STRIP1: variants seen among roughly 807,000 people sequenced by gnomAD.
STRIP1 encodes striatin-interacting protein 1.
Under a neutral mutation model 106.2 loss-of-function variants are expected in STRIP1, and 63 were observed. The observed-to-expected ratio is 0.59, with a 90% CI of 0.48 to 0.73. The LOEUF (loss-of-function observed/expected upper bound fraction) is 0.73. Ranked by LOEUF, STRIP1 falls within the 30% of genes least tolerant of loss-of-function variation. STRIP1 has a pLI of 0.00. For missense variants in STRIP1, 857 were observed against 1,074.8 expected (o/e 0.80, Z 2.83); for synonymous variants, 390 against 413.0 (o/e 0.94, Z 0.67).
intron 1 of STRIP1, among the ~76,000 whole-genome samples, chr1:110,037,041 G>A (rs1043288223): frequency 2.6e-5 from 4 of 151,980 alleles, no homozygotes; most frequent in Admixed American, 2.6e-4. Flanking sequence ...TACCATGTTG[G>A]CCAGGCTGGT....
In STRIP1 at chr1:110,037,957, T is replaced by C. The variant is rs370979346; in HGVS notation, c.247T>C (p.Ser83Pro). Residue 83 changes from serine to proline, a missense_variant, in exon 2 of 21, where the codon TCG becomes CCG. Coordinates refer to ENST00000369795, the MANE Select transcript of STRIP1 (RefSeq NM_033088.4). Reference protein sequence around the residue: ...ADTDKWAAELSELYSYTEGPE... With the variant: ...ADTDKWAAELPELYSYTEGPE... Reference sequence around the variant, plus strand: ...CACAGACAAGTGGGCTGCAGAGCTCTCGGGTAACGCACAGACCTTTGTGTT... The same window carrying C: ...CACAGACAAGTGGGCTGCAGAGCTCCCGGGTAACGCACAGACCTTTGTGTT... 6.2e-7 allele frequency: 1 copy of C among 1,610,136 alleles called. No homozygotes were observed.
chr1:110,039,435 C>T lies in STRIP1; in HGVS notation c.501C>T (p.Ser167=), dbSNP rs149174018. 3.1e-6 allele frequency: 5 copies of T among 1,613,758 alleles called. No individual in the cohort carries two copies. The highest frequency in any genetic ancestry group is 3.4e-6 in the Non-Finnish European group (4 of 1,179,930). The change falls in exon 5 of 21, where the codon TCC becomes TCT. Residue 167 remains serine, a synonymous_variant. Coordinates refer to ENST00000369795, the MANE Select transcript of STRIP1 (RefSeq NM_033088.4). ...GECSSEAEVQ[S]WMRYNIFLLL... is the part of the protein sequence containing the mutation. ...GCAGCTCGGAGGCAGAGGTGCAGTCCTGGATGCGCTACAACATCTTTCTCC... is the reference window on the plus strand; with the variant it reads ...GCAGCTCGGAGGCAGAGGTGCAGTCTTGGATGCGCTACAACATCTTTCTCC...
At chr1:110,051,984 TG>T in intron 20 of STRIP1, 97 bp downstream of exon 20, 1 of 1,305,502 alleles carries the variant, frequency 7.7e-7, no homozygotes, top group Non-Finnish European at 1.1e-6. Flanking sequence ...TTCTCTGCCC[TG>T]AGCTTCCCCC....
At chr1:110,050,016 T>C in intron 17 of STRIP1, 3 of 386,834 alleles carry the variant, frequency 7.8e-6, no homozygotes, top group Non-Finnish European at 1.4e-5. Flanking sequence ...AGACCCTGTC[T>C]CCAGAAAGGT....
chr1:110,042,969 C>A, intron 8 of STRIP1, 119 bp from the exon 9 acceptor site: 1 of 978,198 alleles, frequency 1.0e-6, no homozygotes, highest in Non-Finnish European at 1.5e-6. Flanking sequence ...CAGGAGTTGC[C>A]TGGGTCTCTA....
intron 8 of STRIP1, 44 bp from the exon 9 acceptor site, chr1:110,043,044 G>A (rs1652839955): frequency 6.4e-7 from 1 of 1,562,706 alleles, no homozygotes; most frequent in Non-Finnish European, 8.7e-7. Context: ...GGGCCAGCCT[G>A]TGGACACATT....
rs1372323464 is a variant in STRIP1, at chr1:110,034,795, G to T, written c.158G>T (p.Arg53Leu). 7.0e-7 allele frequency: 1 copy of T among 1,419,514 alleles called. No individual in the cohort carries two copies. The highest frequency in any genetic ancestry group is 3.5e-5 in the Admixed American group (1 of 28,270). 87.9% of individuals were successfully genotyped at this position (1,419,514 alleles called of 1,614,324 possible). A position where few individuals can be genotyped will look rare whatever the true frequency, so the allele number is the denominator to read the frequency against. ...LPGGKAREFN[R>L]NQRKDSEGYS... ...GGGGGCAAAGCCCGCGAGTTCAACC[G>T]CAACCAGCGCAAAGACTCAGAGGTC... is the stretch of plus-strand genomic sequence containing the variant. Residue 53 changes from arginine (R) to leucine (L), a missense_variant, in exon 1 of 21, where the codon CGC becomes CTC. Physicochemically the swap from Arg to Leu is moderately radical, Grantham distance 102. Around this residue, in one of 2 missense-constraint regions of STRIP1, gnomAD observed 107 missense variants for 85.1 expected, o/e 1.26. Coordinates refer to ENST00000369795, the MANE Select transcript of STRIP1 (RefSeq NM_033088.4).
At chr1:110,052,862 G>A (rs553507774) in intron 20 of STRIP1, among the ~76,000 whole-genome samples, 11 of 152,224 alleles carry the variant, frequency 7.2e-5, no homozygotes, top group Middle Eastern at 3.4e-3. Flanking sequence ...CACTGCGCCC[G>A]GCCCCCTAGT....
intron 1 of STRIP1, among the ~76,000 whole-genome samples, chr1:110,036,880 G>A (rs903472551): frequency 6.6e-6 from 1 of 152,148 alleles, no homozygotes; most frequent in Non-Finnish European, 1.5e-5. Context: ...CTGGAGTGTA[G>A]TGGCGCGATC....
At chr1:110,049,630 A>G (rs1653198344) in intron 17 of STRIP1, 70 bp downstream of exon 17, 1 of 1,132,656 alleles carries the variant, frequency 8.8e-7, no homozygotes, top group African/African-American at 1.5e-5. Flanking sequence ...GGTATTTCCC[A>G]CTGTGTCCAT....
At chr1:110,033,724 C>T (rs1652296362), upstream of STRIP1, among the ~76,000 whole-genome samples, 1 of 152,214 alleles carries the variant, frequency 6.6e-6, no homozygotes, top group Non-Finnish European at 1.5e-5. Context: ...AACATATGAA[C>T]TTTAGGATTG....
chr1:110,053,308 C>T (rs183874900), intron 20 of STRIP1, among the ~76,000 whole-genome samples: 7 of 152,342 alleles, frequency 4.6e-5, no homozygotes, highest in Middle Eastern at 3.4e-3. Context: ...CAGTGGCACA[C>T]GGTACCTGGT....
intron 15 of STRIP1, 80 bp downstream of exon 15, chr1:110,047,949 G>A (rs1653110160): frequency 8.8e-6 from 11 of 1,245,550 alleles, no homozygotes; most frequent in Non-Finnish European, 1.3e-5. Flanking sequence ...TGTCAGGTTG[G>A]TTGTTGTTGG....
intron 1 of STRIP1, 48 bp downstream of exon 1, chr1:110,034,865 G>A: frequency 1.5e-6 from 2 of 1,376,024 alleles, no homozygotes; most frequent in Non-Finnish European, 9.4e-7. Flanking sequence ...GGCGGCGCCG[G>A]GGGTCCCGGG....
At position 110,044,933 on chromosome 1, in the gene STRIP1, G is replaced by A. The variant is rs766600336; in HGVS notation, c.1352+28G>A. On this transcript the variant is annotated intron_variant, in intron 11 of 20. Coordinates refer to ENST00000369795, the MANE Select transcript of STRIP1 (RefSeq NM_033088.4). ...GAGTAAAAGCCGAGTTCATTTTGCT[G>A]TTAGCTCTCCCGGCCTTTGGTGTTT... The A allele has an allele frequency of 2.5e-6, 4 of 1,614,006 alleles. No individual in the cohort carries two copies. The South Asian group carries it at 3.3e-5, about 13-fold the overall frequency.
chr1:110,040,350 T>G (rs1652698510), intron 5 of STRIP1, among the ~76,000 whole-genome samples: 1 of 152,092 alleles, frequency 6.6e-6, no homozygotes, highest in East Asian at 1.9e-4. Context: ...CCCAGCTAAT[T>G]TTTGTATTTT....
chr1:110,038,954 G>A, intron 3 of STRIP1, 197 bp downstream of exon 3: 1 of 711,546 alleles, frequency 1.4e-6, no homozygotes, highest in South Asian at 1.9e-5. Flanking sequence ...TGCATATTAG[G>A]GGAGAAAAAA....
chr1:110,042,988 T>C, intron 8 of STRIP1, 100 bp from the exon 9 acceptor site: 1 of 1,195,246 alleles, frequency 8.4e-7, no homozygotes, highest in Non-Finnish European at 1.2e-6. Flanking sequence ...TATAAAGACA[T>C]GGGTCATGAT....
chr1:110,047,899 G>A (rs1004979680), intron 15 of STRIP1, 30 bp downstream of exon 15: 1 of 1,525,024 alleles, frequency 6.6e-7, no homozygotes, highest in Non-Finnish European at 8.9e-7. Flanking sequence ...TGAAGCAGGT[G>A]GGGCAGAAGA....
Sources: allele counts gnomAD v4.1 joint callset (sites outside exome capture counted in the v4.1 genomes callset), GRCh38; gene constraint gnomAD v4.1.1; regional missense constraint gnomAD v4.1.1; transcripts MANE v1.5; gene names NCBI Gene and HGNC (gene_info 2026-07-23, HGNC 2026-07-21).